The following GAN variants were observed in gnomAD, a reference collection of about 807,000 sequenced individuals.
The protein encoded by GAN is epididymis secretory sperm binding protein.
In GAN, 48 loss-of-function variants were observed where a neutral mutation model predicts 71.3. The observed-to-expected ratio is 0.67, with a 90% CI of 0.53 to 0.86. The LOEUF is 0.86. GAN is among the 40% of genes least tolerant of loss of function. The pLI, the probability that GAN is intolerant of heterozygous loss-of-function variation, is 0.00. For missense variants in GAN, 928 were observed against 770.1 expected, an observed-to-expected ratio of 1.21 and a Z score of -2.43; for synonymous variants, 386 against 276.8, an observed-to-expected ratio of 1.39 and a Z score of -3.92.
chr16:81,365,211 T>A, intron 8 of GAN, 101 bp downstream of exon 8: 1 of 1,561,800 alleles, frequency 6.4e-7, no homozygotes, highest in Non-Finnish European at 8.8e-7. Flanking sequence ...CAGAGTAACC[T>A]TTTCTTTGAC....
intron 1 of GAN, among the ~76,000 whole-genome samples, chr16:81,341,248 A>T (rs1242296547): frequency 6.6e-6 from 1 of 152,206 alleles, no homozygotes; most frequent in Non-Finnish European, 1.5e-5. Context: ...GAACTTCCCC[A>T]ACCTAGGGAG....
At chr16:81,351,722 A>C (rs1301934689) in intron 2 of GAN, 25 bp downstream of exon 2, 1 of 1,038,486 alleles carries the variant, frequency 9.6e-7, no homozygotes, top group African/African-American at 1.6e-5. Context: ...AAAGGAAGGA[A>C]GACCTAAGTA....
intron 1 of GAN, among the ~76,000 whole-genome samples, chr16:81,333,234 T>C (rs1382811651): frequency 1.6e-5 from 2 of 125,218 alleles, no homozygotes; most frequent in African/African-American, 3.0e-5. Flanking sequence ...AGAGCGAGAC[T>C]CCATCTCAAA....
intron 1 of GAN, among the ~76,000 whole-genome samples, chr16:81,346,937 A>G (rs1417660714): frequency 6.6e-6 from 1 of 152,212 alleles, no homozygotes; most frequent in Non-Finnish European, 1.5e-5. Flanking sequence ...ATTTAAAAGG[A>G]TCAGATCCAT....
In GAN at chr16:81,357,937, G is replaced by T; in HGVS notation, c.973+6G>T. ...CCATGGAGTTCTCTCAGCAGGTACC[G>T]TTCTGTGGCAAATTTTCCTTAAACA... is the stretch of plus-strand genomic sequence containing the variant. On this transcript the variant is annotated splice_donor_region_variant and intron_variant, in intron 5 of 10. Transcript: ENST00000648994. 6.2e-7 allele frequency: 1 copy of T among 1,612,998 alleles called. No homozygotes were observed. The highest frequency in any genetic ancestry group is 1.7e-5 in the Admixed American group (1 of 59,966).
intron 1 of GAN, among the ~76,000 whole-genome samples, chr16:81,331,433 C>A (rs1035215999): frequency 6.6e-6 from 1 of 152,190 alleles, no homozygotes; most frequent in Non-Finnish European, 1.5e-5. Context: ...ATTAGTATTT[C>A]TGTAACAATA....
intron 1 of GAN, among the ~76,000 whole-genome samples, chr16:81,344,907 A>G (rs1240352904): frequency 6.6e-6 from 1 of 152,194 alleles, no homozygotes; most frequent in Non-Finnish European, 1.5e-5. Context: ...AATTTACAAG[A>G]AAAAAGCAAA....
At chr16:81,348,076 C>T (rs1910179862) in intron 1 of GAN, among the ~76,000 whole-genome samples, 1 of 152,084 alleles carries the variant, frequency 6.6e-6, no homozygotes, top group Non-Finnish European at 1.5e-5. Flanking sequence ...TGGTCTTGAA[C>T]ACCTGGGCTC....
At position 81,357,911 on chromosome 16, in the gene GAN, A is replaced by G; in HGVS notation, c.953A>G (p.Asn318Ser). The G allele has an allele frequency of 6.2e-7, 1 of 1,613,812 alleles. No homozygotes were observed. Among genetic ancestry groups the G allele is most frequent in the Non-Finnish European group, 8.5e-7 (1 of 1,179,780 alleles). The change falls in exon 5 of 11, where the codon AAC (asparagine) becomes AGC (serine). Residue 318 changes from asparagine (N) to serine (S), a missense_variant. Transcript: ENST00000648994. ...ELAPLSMPRI[N>S]HGVLSAEGFL... ...GCCCCTTTAAGCATGCCGAGAATTA[A>G]CCATGGAGTTCTCTCAGCAGGTACC...
intron 3 of GAN, 115 bp from the exon 4 acceptor site, chr16:81,356,670 G>A: frequency 1.2e-6 from 1 of 803,256 alleles, no homozygotes; most frequent in Non-Finnish European, 2.3e-6. Context: ...TCACTTGCCT[G>A]GTAATAACCT....
chr16:81,324,491 A>ATAGT (rs1288571018), intron 1 of GAN, among the ~76,000 whole-genome samples: 1 of 152,102 alleles, frequency 6.6e-6, no homozygotes, highest in Non-Finnish European at 1.5e-5. Context: ...CACCAGGACT[A>ATAGT]GGTCAGGCCT....
intron 9 of GAN, among the ~76,000 whole-genome samples, chr16:81,373,719 C>G (rs1340109569): frequency 6.6e-6 from 1 of 152,162 alleles, no homozygotes; most frequent in Non-Finnish European, 1.5e-5. Flanking sequence ...ACTGTGTTTG[C>G]TTAGACTCCT....
At chr16:81,347,921 T>G (rs11866294) in intron 1 of GAN, among the ~76,000 whole-genome samples, 3,255 of 152,208 alleles carry the variant, frequency 0.021, 59 homozygotes, top group East Asian at 0.081. Context: ...CTTTTTTGGT[T>G]GGGGGGACAT....
intron 1 of GAN, among the ~76,000 whole-genome samples, chr16:81,324,226 C>T (rs1218583915): frequency 6.6e-6 from 1 of 152,166 alleles, no homozygotes. Context: ...CTCTAATATG[C>T]CCGTTTGTTC....
chr16:81,332,302 G>A (rs185402304), intron 1 of GAN, among the ~76,000 whole-genome samples: 51 of 152,344 alleles, frequency 3.3e-4, no homozygotes, highest in African/African-American at 1.2e-3. Context: ...CAGACTGGCT[G>A]TGGGGTTGCA....
At position 81,363,950 on chromosome 16, in the gene GAN, A is replaced by T. The variant is rs1910763781; in HGVS notation, c.1236+7A>T. 1 of 1,610,080 alleles carries T rather than the reference A, an allele frequency of 6.2e-7. No homozygotes were observed. The highest frequency in any genetic ancestry group is 8.5e-7 in the Non-Finnish European group (1 of 1,176,314). ...TTTGACCATGGTCAGAAAGGTGAGGACTGCATTTTGTGATAACTAGTCTGT... is the reference window on the plus strand; with the variant it reads ...TTTGACCATGGTCAGAAAGGTGAGGTCTGCATTTTGTGATAACTAGTCTGT... On this transcript the variant is annotated splice_region_variant and intron_variant, in intron 7 of 10. Transcript: ENST00000648994.
chr16:81,363,876 C>G lies in GAN; in HGVS notation c.1169C>G (p.Ser390Cys). The G allele has an allele frequency of 6.2e-7, 1 of 1,611,892 alleles. No homozygotes were observed. Among genetic ancestry groups the G allele is most frequent in the Non-Finnish European group, 8.5e-7 (1 of 1,178,006 alleles). ...GGEDGEKELI[S>C]MECYDIYSKT... is the part of the protein sequence containing the mutation. Reference sequence around the variant, plus strand: ...GAGGATGGTGAAAAGGAGCTGATTTCCATGGAGTGTTACGATATTTATTCT... The same window carrying G: ...GAGGATGGTGAAAAGGAGCTGATTTGCATGGAGTGTTACGATATTTATTCT... Residue 390 changes from serine to cysteine, a missense_variant, in exon 7 of 11, where the codon TCC (serine) becomes TGC (cysteine). Coordinates refer to ENST00000648994, the MANE Select transcript of GAN (RefSeq NM_022041.4).
At chr16:81,347,231 C>G (rs1910146999) in intron 1 of GAN, among the ~76,000 whole-genome samples, 1 of 152,120 alleles carries the variant, frequency 6.6e-6, no homozygotes, top group African/African-American at 2.4e-5. Flanking sequence ...CAATGAAGTA[C>G]CTTTTGAGTA....
chr16:81,341,926 G>C (rs1270029974), intron 1 of GAN, among the ~76,000 whole-genome samples: 1 of 152,182 alleles, frequency 6.6e-6, no homozygotes, highest in Non-Finnish European at 1.5e-5. Flanking sequence ...TCAAAATAAA[G>C]GGATGGAGGA....
Sources: allele counts gnomAD v4.1 joint callset (sites outside exome capture counted in the v4.1 genomes callset), GRCh38; gene constraint gnomAD v4.1.1; transcripts MANE v1.5; gene names NCBI Gene and HGNC (gene_info 2026-07-23, HGNC 2026-07-21).